Variants in RAPGEF3 observed in about 807,000 individuals in gnomAD.
The protein encoded by RAPGEF3 is 9330170P05Rik.
A neutral mutation model predicts 129.8 loss-of-function variants in RAPGEF3; 103 were observed. The observed-to-expected ratio is 0.79, with a 90% CI of 0.68 to 0.93. RAPGEF3 has a LOEUF of 0.93. Among genes scored for constraint, RAPGEF3 ranks in the 40% least tolerant of loss-of-function variants. The pLI is 0.00. For synonymous variants in RAPGEF3, 436 were observed against 482.6 expected (o/e 0.90, Z 1.26); for missense variants, 1,117 against 1,207.4 (o/e 0.93, Z 1.11).
In RAPGEF3 at chr12:47,749,038, G is replaced by A; in HGVS notation, c.1042-107C>T. 1 of 951,296 alleles carries A rather than the reference G, an allele frequency of 1.1e-6. No homozygotes were observed. The highest frequency in any genetic ancestry group is 1.6e-6 in the Non-Finnish European group (1 of 610,738). 58.9% of individuals were successfully genotyped at this position (951,296 alleles called of 1,614,324 possible). A position where few individuals can be genotyped will look rare whatever the true frequency, so the allele number is the denominator to read the frequency against. ...CTGAGCCCCATGAGGGTCCCACAGGGACCCACAGCCCTTCTCCCACCTCCG... is the reference window on the plus strand; with the variant it reads ...CTGAGCCCCATGAGGGTCCCACAGGAACCCACAGCCCTTCTCCCACCTCCG... On this transcript the variant is annotated intron_variant, in intron 10 of 27. Coordinates refer to ENST00000449771, the MANE Select transcript of RAPGEF3 (RefSeq NM_001098531.4). This position sits in a 1 kb window ranked among gnomAD's most constrained non-coding sequence, Gnocchi z 4.5.
chr12:47,757,856 A>C lies in RAPGEF3; in HGVS notation c.219+10T>G. On this transcript the variant is annotated intron_variant, in intron 2 of 27. Coordinates refer to ENST00000449771, the MANE Select transcript of RAPGEF3 (RefSeq NM_001098531.4). ...TGGCCCTGGCACCTGGGCAGGTGAA[A>C]GGTACTCACCCAGCGCAGCCCCTGG... 2 of 1,550,180 alleles carry C rather than the reference A, an allele frequency of 1.3e-6. No individual in the cohort carries two copies. Among genetic ancestry groups the C allele is most frequent in the Non-Finnish European group, 1.7e-6 (2 of 1,146,968 alleles).
Position 47,738,528 on chromosome 12 carries a change from C to G in RAPGEF3, c.2526+162G>C, listed in dbSNP as rs868520104. On this transcript the variant is annotated intron_variant, in intron 25 of 27. Coordinates refer to ENST00000449771, the MANE Select transcript of RAPGEF3 (RefSeq NM_001098531.4). ...CGTCTGAGGCTGGCACCCTGGCAGA[C>G]CCAGTTGCAGTGGAATAAGGCAGGG... Among the ~76,000 whole-genome samples the G allele has an allele frequency of 4.1e-4, 63 of 152,238 alleles. 1 individual carries two copies. The highest frequency in any genetic ancestry group is 1.5e-3 in the African/African-American group (62 of 41,532).
intron 11 of RAPGEF3, 127 bp from the exon 12 acceptor site, chr12:47,748,669 G>A: frequency 9.6e-7 from 1 of 1,040,190 alleles, no homozygotes; most frequent in Non-Finnish European, 1.5e-6. Context: ...AGGGCAGGGA[G>A]GAGACTGGCT....
Position 47,751,846 on chromosome 12 carries a change from G to A in RAPGEF3, c.274-17C>T. On this transcript the variant is annotated splice_polypyrimidine_tract_variant and intron_variant, in intron 3 of 27. Coordinates refer to ENST00000449771, the MANE Select transcript of RAPGEF3 (RefSeq NM_001098531.4). The stretch of plus-strand genomic sequence containing the variant: ...TGTGGAGGCCTTAGAGGGAGGAAGG[G>A]CACAGCAGTTCAGGCTCTGAACCCC... The A allele has an allele frequency of 6.2e-7, 1 of 1,614,092 alleles. No individual in the cohort carries two copies. Among genetic ancestry groups the A allele is most frequent in the South Asian group, 1.1e-5 (1 of 91,078 alleles).
intron 15 of RAPGEF3, among the ~76,000 whole-genome samples, chr12:47,747,175 C>G (rs1463172577): frequency 3.9e-5 from 6 of 152,174 alleles, no homozygotes; most frequent in African/African-American, 1.2e-4. Flanking sequence ...TCCCAACCCC[C>G]CTGAATCTCA....
intron 15 of RAPGEF3, among the ~76,000 whole-genome samples, chr12:47,747,118 G>A (rs1013428377): frequency 6.6e-6 from 1 of 152,144 alleles, no homozygotes; most frequent in Non-Finnish European, 1.5e-5. Context: ...AAAGTTAAAG[G>A]CAGATGCAGA....
At chr12:47,739,566 A>C (rs1047678193) in intron 23 of RAPGEF3, 2 of 496,822 alleles carry the variant, frequency 4.0e-6, no homozygotes, top group Non-Finnish European at 7.4e-6. Context: ...GAATCCCTTG[A>C]GCCCCACGAG....
rs1474288093 is a variant in RAPGEF3, at chr12:47,751,203, C to G, written c.516G>C (p.Trp172Cys). Reference sequence around the variant, plus strand: ...ATTGGGCATCTCGGTCCTGGAAGGCCCAGTCGTGTTTCACTGGGGGGCAGA... The same window carrying G: ...ATTGGGCATCTCGGTCCTGGAAGGCGCAGTCGTGTTTCACTGGGGGGCAGA... Reference protein sequence around the residue: ...EGALCHVKHDWAFQDRDAQFY... With the variant: ...EGALCHVKHDCAFQDRDAQFY... Residue 172 changes from tryptophan to cysteine, a missense_variant, in exon 6 of 28, where the codon TGG becomes TGC. Trp to Cys is a radical substitution (Grantham distance 215). Transcript: ENST00000449771. The G allele has an allele frequency of 1.3e-6, 2 of 1,551,094 alleles. No homozygotes were observed. Among genetic ancestry groups the G allele is most frequent in the African/African-American group, 2.7e-5 (2 of 73,096 alleles).
At chr12:47,746,145 CAGAGAAAGA>C (rs1941407953) in intron 16 of RAPGEF3, 1 of 155,908 alleles carries the variant, frequency 6.4e-6, no homozygotes, top group African/African-American at 2.4e-5. Context: ...CAGGCAGAGC[CAGAGAAAGA>C]CCCTTCCAGG....
In RAPGEF3 at chr12:47,747,585, G is replaced by T; in HGVS notation, c.1515C>A (p.Asn505Lys). The change falls in exon 15 of 28, where the codon AAC becomes AAA. Residue 505 changes from asparagine (N) to lysine (K), a missense_variant. Physicochemically the swap from Asn to Lys is moderately conservative, Grantham distance 94. This residue lies in a region of RAPGEF3 where 643 missense variants were observed against 673.4 expected (regional missense o/e 0.95). Coordinates refer to ENST00000449771, the MANE Select transcript of RAPGEF3 (RefSeq NM_001098531.4). ...TCTCTGGCCACTGCTCCCTCAGCAG[G>T]TTGCTGAGTCGGGTGTCCCTGCCCA... is the stretch of plus-strand genomic sequence containing the variant. ...DLVGRDTRLS[N>K]LLREQWPERR... is the part of the protein sequence containing the mutation. 6.2e-7 allele frequency: 1 copy of T among 1,614,058 alleles called. No homozygotes were observed. The highest frequency in any genetic ancestry group is 2.2e-5 in the East Asian group (1 of 44,884).
rs375443978 is a variant in RAPGEF3 at position 47,741,622 on chromosome 12, G to A, written c.1826-20C>T. On this transcript the variant is annotated intron_variant, in intron 18 of 27. Transcript: ENST00000449771. ...TGGCATCTGCAAAGACAGCAGAGGC[G>A]GACTGGGTGGGGGAAGGGAGGGAGG... 3.2e-5 allele frequency: 51 copies of A among 1,601,530 alleles called. No homozygotes were observed. The highest frequency in any genetic ancestry group is 2.5e-4 in the South Asian group (23 of 90,794).
intron 24 of RAPGEF3, 194 bp downstream of exon 24, chr12:47,738,949 T>A: frequency 1.4e-6 from 1 of 689,814 alleles, no homozygotes; most frequent in Non-Finnish European, 2.5e-6. Flanking sequence ...CTGGATGTCT[T>A]CATTCTTCCA....
chr12:47,739,372 C>T (rs1408875402), intron 23 of RAPGEF3, 142 bp from the exon 24 acceptor site: 1 of 735,610 alleles, frequency 1.4e-6, no homozygotes, highest in Non-Finnish European at 2.5e-6. Flanking sequence ...AGGTCTCACC[C>T]AGGCTCTGTC....
At chr12:47,758,430 C>A in intron 1 of RAPGEF3, 121 bp downstream of exon 1, 1 of 1,560,250 alleles carries the variant, frequency 6.4e-7, no homozygotes, top group Non-Finnish European at 8.7e-7. Context: ...TCGGCTTAAA[C>A]CCTTCTCCTC....
intron 25 of RAPGEF3, 67 bp downstream of exon 25, chr12:47,738,623 C>A: frequency 1.4e-6 from 2 of 1,397,854 alleles, no homozygotes. Flanking sequence ...AGCCCTGCCC[C>A]TTCCCAGGCC....
chr12:47,755,822 G>A (rs1243130946), intron 2 of RAPGEF3: 1 of 152,176 alleles, frequency 6.6e-6, no homozygotes, highest in Admixed American at 6.5e-5. Flanking sequence ...CTGGGACTCG[G>A]GCTCCACCCC....
At chr12:47,738,787 C>A in intron 24 of RAPGEF3, 33 bp from the exon 25 acceptor site, 1 of 1,559,136 alleles carries the variant, frequency 6.4e-7, no homozygotes, top group South Asian at 1.1e-5. Flanking sequence ...CATAGGTCCC[C>A]AAACTTCTGC....
At chr12:47,758,240 T>C (rs1033380474) in intron 1 of RAPGEF3, 162 bp from the exon 2 acceptor site, 11 of 1,433,340 alleles carry the variant, frequency 7.7e-6, no homozygotes, top group South Asian at 3.0e-5. Flanking sequence ...CAGGAAGACC[T>C]TCACTGGGGC....
chr12:47,740,602 G>A lies in RAPGEF3; in HGVS notation c.2231+40C>T, dbSNP rs1410698469. On this transcript the variant is annotated intron_variant, in intron 21 of 27. Transcript: ENST00000449771. ...GGGGGCTTAGGAAAAGGTAGCCGGGGGGACTCTGGCCACGCCCTACCCACT... is the reference window on the plus strand; with the variant it reads ...GGGGGCTTAGGAAAAGGTAGCCGGGAGGACTCTGGCCACGCCCTACCCACT... 24 of 1,603,120 alleles carry A rather than the reference G, an allele frequency of 1.5e-5. No individual in the cohort carries two copies. In the Admixed American group the frequency reaches 4.1e-4, roughly 27 times the overall value.
Sources: allele counts gnomAD v4.1 joint callset (sites outside exome capture counted in the v4.1 genomes callset), GRCh38; gene constraint gnomAD v4.1.1; regional missense constraint gnomAD v4.1.1; non-coding constraint Gnocchi (gnomAD v3.1); transcripts MANE v1.5; gene names NCBI Gene and HGNC (gene_info 2026-07-23, HGNC 2026-07-21).